Variants in SUPT3H observed in about 807,000 individuals in gnomAD.
The protein encoded by SUPT3H is SPT3 homolog, SAGA and STAGA complex component.
Under a neutral mutation model 44.3 loss-of-function variants are expected in SUPT3H, and 44 were observed. The observed-to-expected ratio is 0.99, with a 90% CI of 0.78 to 1.28. The LOEUF (loss-of-function observed/expected upper bound fraction) is 1.28, where lower values mean the gene tolerates loss of function less well. SUPT3H is among the 50% of genes most tolerant of loss of function. The pLI, the probability that SUPT3H is intolerant of heterozygous loss-of-function variation, is 0.00. For synonymous variants in SUPT3H, 124 were observed against 125.6 expected (o/e 0.99, Z 0.09); for missense variants, 380 against 387.1 (o/e 0.98, Z 0.15).
Position 45,074,530 on chromosome 6 carries a change from C to T in SUPT3H, c.186+31392G>A, listed in dbSNP as rs543085305. Among the ~76,000 whole-genome samples, 4 of 151,992 alleles carry T rather than the reference C, an allele frequency of 2.6e-5. No homozygotes were observed. In the East Asian group the frequency reaches 7.7e-4, roughly 29 times the overall value. On this transcript the variant is annotated intron_variant, in intron 3 of 10. Transcript: ENST00000371459. ...ACAATAAAATAATACTGCACACCCA[C>T]TAGAATACATAAAATAAAAAAGACT... is the stretch of plus-strand genomic sequence containing the variant.
At chr6:44,837,457 A>G (rs1404299108) in intron 10 of SUPT3H, among the ~76,000 whole-genome samples, 2 of 152,204 alleles carry the variant, frequency 1.3e-5, no homozygotes, top group African/African-American at 4.8e-5. Flanking sequence ...CAGGGGCTGG[A>G]TAGTCTCAGT....
chr6:44,914,269 T>C (rs1767486360), intron 10 of SUPT3H, among the ~76,000 whole-genome samples: 1 of 152,202 alleles, frequency 6.6e-6, no homozygotes, highest in Non-Finnish European at 1.5e-5. Flanking sequence ...GGCTTAAAAT[T>C]GACAGCAAAG....
intron 2 of SUPT3H, among the ~76,000 whole-genome samples, chr6:45,202,926 A>G (rs1213277724): frequency 6.6e-6 from 1 of 152,094 alleles, no homozygotes. Flanking sequence ...GTGTATATAT[A>G]TATAAATCAC....
rs1287483539 is a variant in SUPT3H, at chr6:44,939,015, G to A, written c.802-6252C>T. Among the ~76,000 whole-genome samples, 9 of 151,994 alleles carry A rather than the reference G, an allele frequency of 5.9e-5. No homozygotes were observed. The East Asian group carries it at 1.5e-3, about 26-fold the overall frequency. On this transcript the variant is annotated intron_variant, in intron 9 of 10. Transcript: ENST00000371459. ...ATATAAGATCATATAATCAGCAAAC[G>A]GGAATAATTTTACTTCTTCTTTTCC...
At chr6:45,246,352 T>C (rs1293956816) in intron 2 of SUPT3H, among the ~76,000 whole-genome samples, 2 of 152,180 alleles carry the variant, frequency 1.3e-5, no homozygotes, top group African/African-American at 2.4e-5. Context: ...CCAAATTCAA[T>C]GTCTTGAAGC....
chr6:45,024,226 G>C (rs1045377562), intron 3 of SUPT3H, among the ~76,000 whole-genome samples: 1 of 152,086 alleles, frequency 6.6e-6, no homozygotes, highest in Non-Finnish European at 1.5e-5. Context: ...TTTATTAGGA[G>C]GTTGAGAAGT....
chr6:45,199,301 A>G (rs1432287087), intron 2 of SUPT3H, among the ~76,000 whole-genome samples: 1 of 151,286 alleles, frequency 6.6e-6, no homozygotes, highest in African/African-American at 2.4e-5. Context: ...CTATTTTATT[A>G]TACCCTTCAG....
chr6:44,936,582 A>C (rs1470777037), intron 9 of SUPT3H, among the ~76,000 whole-genome samples: 2 of 151,964 alleles, frequency 1.3e-5, no homozygotes, highest in Non-Finnish European at 2.9e-5. Flanking sequence ...AAGTAAGAAC[A>C]TGCAATATTT....
At chr6:44,861,798 T>C (rs1349853429) in intron 10 of SUPT3H, among the ~76,000 whole-genome samples, 2 of 152,184 alleles carry the variant, frequency 1.3e-5, no homozygotes, top group East Asian at 3.8e-4. Flanking sequence ...CAAGAGGGGC[T>C]AGGGAAGAAT....
chr6:45,160,110 G>C (rs747877281), intron 2 of SUPT3H, among the ~76,000 whole-genome samples: 2 of 152,270 alleles, frequency 1.3e-5, no homozygotes, highest in East Asian at 3.9e-4. Context: ...AATGGTTAAA[G>C]CCAAGGTCAT....
rs995243920 is a variant in SUPT3H, at chr6:45,184,803, A to C, written c.102-78797T>G. Among the ~76,000 whole-genome samples, 12 of 138,442 alleles carry C rather than the reference A, an allele frequency of 8.7e-5. No homozygotes were observed. In the South Asian group the frequency reaches 9.6e-4, roughly 11 times the overall value. The allele number at this position is 138,442 out of a possible 152,430, so 90.8% of individuals were successfully genotyped here. ...AAAAAAAAAAAAAAAAAAAAAAAAA[A>C]CTCCAAGGAAAGCCTGTTCCTAACT... On this transcript the variant is annotated intron_variant, in intron 2 of 10. Transcript: ENST00000371459.
chr6:45,266,959 T>C (rs1019077474), intron 2 of SUPT3H, among the ~76,000 whole-genome samples: 17 of 152,146 alleles, frequency 1.1e-4, no homozygotes, highest in African/African-American at 3.9e-4. Context: ...ACAGTTTACA[T>C]AGTCAAAACT....
intron 10 of SUPT3H, among the ~76,000 whole-genome samples, chr6:44,884,859 A>T (rs916094467): frequency 6.6e-6 from 1 of 152,130 alleles, no homozygotes; most frequent in Non-Finnish European, 1.5e-5. Flanking sequence ...TCCCTTTCCT[A>T]GTCAAAGAAA....
chr6:45,226,973 A>T (rs9357477), intron 2 of SUPT3H, among the ~76,000 whole-genome samples: 7 of 151,448 alleles, frequency 4.6e-5, no homozygotes, highest in African/African-American at 1.7e-4. Flanking sequence ...CTCCAGCCTG[A>T]ATGACAGAGT....
intron 2 of SUPT3H, among the ~76,000 whole-genome samples, chr6:45,195,799 C>T (rs555338563): frequency 1.1e-4 from 17 of 152,126 alleles, no homozygotes; most frequent in Admixed American, 2.6e-4. Context: ...TTAATAGTAT[C>T]TGCCCCAAAC....
intron 2 of SUPT3H, among the ~76,000 whole-genome samples, chr6:45,158,290 A>ATTTTTTTT (rs1562572907): frequency 2.5e-5 from 1 of 39,788 alleles, no homozygotes. Flanking sequence ...ATATATATAT[A>ATTTTTTTT]TATATATATT....
intron 3 of SUPT3H, among the ~76,000 whole-genome samples, chr6:45,039,189 A>C (rs1788136235): frequency 6.6e-6 from 1 of 152,196 alleles, no homozygotes; most frequent in Non-Finnish European, 1.5e-5. Flanking sequence ...TCTATTATTT[A>C]ATTACATTGG....
At chr6:45,274,453 A>G (rs1002801495) in intron 2 of SUPT3H, among the ~76,000 whole-genome samples, 6 of 152,228 alleles carry the variant, frequency 3.9e-5, no homozygotes, top group Admixed American at 2.0e-4. Flanking sequence ...GAGCTCTTAT[A>G]TTTAGATCTA....
intron 2 of SUPT3H, among the ~76,000 whole-genome samples, chr6:45,225,811 A>C (rs189217434): frequency 6.6e-6 from 1 of 152,326 alleles, no homozygotes; most frequent in Admixed American, 6.5e-5. Flanking sequence ...CCACAGATCA[A>C]GCACAATCCC....
Sources: gnomAD v4.1 joint callset for allele counts (sites outside exome capture counted in the v4.1 genomes callset) on GRCh38, gnomAD v4.1.1 for gene constraint, MANE v1.5 for transcripts, NCBI Gene and HGNC (gene_info 2026-07-23, HGNC 2026-07-21) for gene names.